NXPE2: variants seen among roughly 807,000 people sequenced by gnomAD.
The protein encoded by NXPE2 is NXPE family member 2.
A neutral mutation model predicts 34.4 loss-of-function variants in NXPE2; 34 were observed. That is an observed-to-expected ratio of 0.99 (90% CI 0.75 to 1.31). NXPE2 has a LOEUF of 1.31. Ranked by LOEUF, NXPE2 falls within the 40% of genes most tolerant of loss-of-function variation. The probability of loss-of-function intolerance (pLI) is 0.00; values close to 1 mark genes in which losing one functional copy is unlikely to be tolerated. For synonymous variants in NXPE2, 235 were observed against 231.3 expected (o/e 1.02, Z -0.15); for missense variants, 649 against 672.5 (o/e 0.97, Z 0.39).
the NXPE2 span, among the ~76,000 whole-genome samples, chr11:114,629,534 G>A: frequency 3.3e-5 from 5 of 151,612 alleles, no homozygotes; most frequent in Non-Finnish European, 7.4e-5. Flanking sequence ...AATAATAAGA[G>A]CTATCTATGA....
At chr11:114,522,380 T>A in the NXPE2 span, 14 of 1,614,028 alleles carry the variant, frequency 8.7e-6, no homozygotes, top group Admixed American at 1.8e-4. Flanking sequence ...TATCAGAGAG[T>A]AGAGCTGGAA....
chr11:114,705,628 A>G (rs139491093), intron 4 of NXPE2, among the ~76,000 whole-genome samples, 153 bp from the exon 5 acceptor site: 1 of 152,332 alleles, frequency 6.6e-6, no homozygotes, highest in East Asian at 1.9e-4. Context: ...ACATGATCTT[A>G]TTAAATAAAT....
chr11:114,583,757 A>G, the NXPE2 span: 2 of 487,166 alleles, frequency 4.1e-6, no homozygotes, highest in Non-Finnish European at 8.1e-6. Flanking sequence ...GTATCACCAG[A>G]GGGTGTTGTA....
At position 114,703,365 on chromosome 11, in the gene NXPE2, C is replaced by A. The variant is rs78052378; in HGVS notation, c.867-626C>A. On this transcript the variant is annotated intron_variant, in intron 3 of 5. Transcript: ENST00000389586. ...TATTATAATAACTTAGGACAGGGTT[C>A]TCAAAGTAATGTCCGTAGACCATTG... is the stretch of plus-strand genomic sequence containing the variant. 9.7e-3 allele frequency among the ~76,000 whole-genome samples: 1,479 copies of A among 152,322 alleles called. 27 individuals carry two copies. The highest frequency in any genetic ancestry group is 0.033 in the African/African-American group (1,385 of 41,568).
the NXPE2 span, among the ~76,000 whole-genome samples, chr11:114,718,145 G>A: frequency 6.6e-6 from 1 of 152,114 alleles, no homozygotes; most frequent in African/African-American, 2.4e-5. Context: ...TCATCCCAGC[G>A]ATTAGGAAAC....
chr11:114,536,252 A>G, the NXPE2 span, among the ~76,000 whole-genome samples: 2 of 152,342 alleles, frequency 1.3e-5, no homozygotes, highest in East Asian at 1.9e-4. Flanking sequence ...AAGACACAAC[A>G]TACCAGAATC....
At chr11:114,643,390 G>A in the NXPE2 span, among the ~76,000 whole-genome samples, 11 of 152,062 alleles carry the variant, frequency 7.2e-5, no homozygotes, top group African/African-American at 2.4e-4. Flanking sequence ...ATAGCTTTAG[G>A]TCTTACATTT....
At chr11:114,679,815 G>C (rs1483741269) in intron 2 of NXPE2, 53 bp downstream of exon 2, 2 of 1,020,086 alleles carry the variant, frequency 2.0e-6, no homozygotes, top group East Asian at 5.2e-5. Flanking sequence ...GACTTCATTT[G>C]AATGACCCCC....
At chr11:114,779,414 G>T in the NXPE2 span, among the ~76,000 whole-genome samples, 1 of 152,192 alleles carries the variant, frequency 6.6e-6, no homozygotes, top group Non-Finnish European at 1.5e-5. Context: ...GTTGACTGGG[G>T]TGGCTGGATG....
At chr11:114,730,343 G>T in the NXPE2 span, among the ~76,000 whole-genome samples, 5 of 151,840 alleles carry the variant, frequency 3.3e-5, no homozygotes, top group Non-Finnish European at 5.9e-5. Flanking sequence ...GTGATGCTCC[G>T]GTTGTGTTCT....
At chr11:114,630,449 C>A in the NXPE2 span, among the ~76,000 whole-genome samples, 1 of 151,634 alleles carries the variant, frequency 6.6e-6, no homozygotes, top group Non-Finnish European at 1.5e-5. Context: ...ATAAATGGTG[C>A]TGGGAAAACT....
the NXPE2 span, among the ~76,000 whole-genome samples, chr11:114,602,277 T>C: frequency 8.5e-6 from 1 of 118,222 alleles, no homozygotes; most frequent in African/African-American, 3.4e-5. Flanking sequence ...TATATTATAC[T>C]ATATATATGT....
chr11:114,581,580 G>A, the NXPE2 span: 2 of 663,682 alleles, frequency 3.0e-6, no homozygotes, highest in South Asian at 1.8e-5. Flanking sequence ...ACTCACCTAG[G>A]TAACTGGTGT....
chr11:114,553,438 A>G, the NXPE2 span, among the ~76,000 whole-genome samples: 1 of 152,148 alleles, frequency 6.6e-6, no homozygotes, highest in Non-Finnish European at 1.5e-5. Flanking sequence ...CTGATGCACT[A>G]CCAACTTTGG....
At chr11:114,623,914 T>C in the NXPE2 span, among the ~76,000 whole-genome samples, 2 of 152,102 alleles carry the variant, frequency 1.3e-5, no homozygotes, top group Non-Finnish European at 2.9e-5. Flanking sequence ...TAATCATTGC[T>C]ACCCAGTGGA....
the NXPE2 span, among the ~76,000 whole-genome samples, chr11:114,477,264 A>G: frequency 6.6e-6 from 1 of 152,176 alleles, no homozygotes; most frequent in East Asian, 1.9e-4. Flanking sequence ...CAGTTAGACA[A>G]GATGAGAAAG....
chr11:114,600,263 A>C, the NXPE2 span, among the ~76,000 whole-genome samples: 1 of 152,186 alleles, frequency 6.6e-6, no homozygotes, highest in Non-Finnish European at 1.5e-5. Context: ...GTAAGAAGAC[A>C]TATCTTGGTT....
At chr11:114,581,432 G>A in the NXPE2 span, among the ~76,000 whole-genome samples, 1 of 152,134 alleles carries the variant, frequency 6.6e-6, no homozygotes, top group Non-Finnish European at 1.5e-5. Context: ...AAAGAAGTGG[G>A]TATAGAATTG....
the NXPE2 span, among the ~76,000 whole-genome samples, chr11:114,786,844 G>A: frequency 6.6e-6 from 1 of 152,086 alleles, no homozygotes; most frequent in South Asian, 2.1e-4. Flanking sequence ...CCCACGCATG[G>A]TTCACAGTAC....
Sources: gnomAD v4.1 joint callset for allele counts (sites outside exome capture counted in the v4.1 genomes callset) on GRCh38, gnomAD v4.1.1 for gene constraint, MANE v1.5 for transcripts, NCBI Gene and HGNC (gene_info 2026-07-23, HGNC 2026-07-21) for gene names.